The following FRRS1 variants were observed in gnomAD, a reference collection of about 807,000 sequenced individuals.
FRRS1 encodes the protein ferric chelate reductase 1.
FRRS1 carries 51 observed loss-of-function variants against 70.7 expected under a neutral mutation model. That is an observed-to-expected ratio of 0.72 (90% CI 0.58 to 0.91). The LOEUF (loss-of-function observed/expected upper bound fraction) is 0.91, where lower values mean the gene tolerates loss of function less well. Ranked by LOEUF, FRRS1 falls within the 40% of genes least tolerant of loss-of-function variation. FRRS1 has a pLI of 0.00. For missense variants in FRRS1, 672 were observed against 726.0 expected (o/e 0.93, Z 0.86); for synonymous variants, 225 against 238.7 (o/e 0.94, Z 0.53).
At chr1:99,723,291 A>C (rs950745860) in intron 9 of FRRS1, among the ~76,000 whole-genome samples, 3 of 152,162 alleles carry the variant, frequency 2.0e-5, no homozygotes, top group Admixed American at 1.3e-4. Flanking sequence ...GAATTTGACA[A>C]ATCAGCTTGA....
rs1212574300 is a variant in FRRS1 at position 99,729,752 on chromosome 1, A to G, written c.760-4T>C. The G allele has an allele frequency of 1.3e-6, 2 of 1,583,274 alleles. No homozygotes were observed. Among genetic ancestry groups the G allele is most frequent in the African/African-American group, 2.7e-5 (2 of 74,322 alleles). On this transcript the variant is annotated splice_polypyrimidine_tract_variant and splice_region_variant and intron_variant, in intron 7 of 16. Coordinates refer to ENST00000646001, the MANE Select transcript of FRRS1 (RefSeq NM_001361041.2). ...ACAGATAAGCATCATCATCACCCTGAAAAACAATTGCAAATGAGAAAAAAA... is the reference window on the plus strand; with the variant it reads ...ACAGATAAGCATCATCATCACCCTGGAAAACAATTGCAAATGAGAAAAAAA...
chr1:99,729,883 T>C, intron 7 of FRRS1, 135 bp from the exon 8 acceptor site: 1 of 617,996 alleles, frequency 1.6e-6, no homozygotes, highest in Non-Finnish European at 2.9e-6. Context: ...TCATGAATGA[T>C]GCTATGAATT....
At position 99,739,993 on chromosome 1, in the gene FRRS1, G is replaced by A. The variant is rs78378677; in HGVS notation, c.576+800C>T. On this transcript the variant is annotated intron_variant, in intron 6 of 16. Coordinates refer to ENST00000646001, the MANE Select transcript of FRRS1 (RefSeq NM_001361041.2). The stretch of plus-strand genomic sequence containing the variant: ...ATATGCATAACACTTTCCAAGATAC[G>A]TCTTGTCAATCATAAATCTTTTAAA... Among the ~76,000 whole-genome samples, 1,357 of 152,028 alleles carry A rather than the reference G, an allele frequency of 8.9e-3. 137 individuals are homozygous for A. In the East Asian group the frequency reaches 0.22, roughly 25 times the overall value.
intron 14 of FRRS1, among the ~76,000 whole-genome samples, chr1:99,711,815 T>C (rs1654285345): frequency 6.6e-6 from 1 of 152,200 alleles, no homozygotes; most frequent in South Asian, 2.1e-4. Flanking sequence ...GCTACTCAAA[T>C]GTTTGGCCAT....
intron 1 of FRRS1, among the ~76,000 whole-genome samples, chr1:99,754,398 G>A (rs1310995521): frequency 1.3e-5 from 2 of 152,080 alleles, no homozygotes; most frequent in Non-Finnish European, 2.9e-5. Flanking sequence ...AGGATGACTT[G>A]AACACAGGAG....
chr1:99,744,075 A>AAAAAG (rs1553173617), intron 4 of FRRS1, among the ~76,000 whole-genome samples: 3,533 of 150,264 alleles, frequency 0.024, 156 homozygotes, highest in African/African-American at 0.082. Flanking sequence ...AAAAAAAAAA[A>AAAAAG]AAAGAAAGAA....
At chr1:99,760,041 C>T (rs2788516) in intron 1 of FRRS1, among the ~76,000 whole-genome samples, 3,914 of 152,216 alleles carry the variant, frequency 0.026, 178 homozygotes, top group African/African-American at 0.089. Context: ...AATCTAAGTT[C>T]GCCTACCTAA....
At chr1:99,747,455 T>C (rs781275072) in intron 3 of FRRS1, 25 bp from the exon 4 acceptor site, 6 of 1,601,614 alleles carry the variant, frequency 3.7e-6, no homozygotes, top group Non-Finnish European at 5.1e-6. Flanking sequence ...AAAGGGTTGG[T>C]TAAAAAGCTT....
Position 99,748,880 on chromosome 1 carries a change from C to A in FRRS1, c.-1+17G>T, listed in dbSNP as rs1271379737. On this transcript the variant is annotated intron_variant, in intron 2 of 16. Transcript: ENST00000646001. ...CTACTTGCTTTCTGTGTTCAGCAAACCATATTCTCAACATACCTGATAAAA... is the reference window on the plus strand; with the variant it reads ...CTACTTGCTTTCTGTGTTCAGCAAAACATATTCTCAACATACCTGATAAAA... The A allele has an allele frequency of 2.7e-6, 2 of 727,544 alleles. No individual in the cohort carries two copies. The highest frequency in any genetic ancestry group is 3.6e-5 in the African/African-American group (2 of 55,728). The allele number at this position is 727,544 out of a possible 1,614,324, so 45.1% of individuals were successfully genotyped here. A position where few individuals can be genotyped will look rare whatever the true frequency, so the allele number is the denominator to read the frequency against.
At chr1:99,744,042 G>T (rs1413045808) in intron 4 of FRRS1, among the ~76,000 whole-genome samples, 3 of 139,974 alleles carry the variant, frequency 2.1e-5, no homozygotes. Context: ...CAAGATAAAT[G>T]AATCCAGTAT....
intron 7 of FRRS1, among the ~76,000 whole-genome samples, chr1:99,735,688 G>T (rs6577126): frequency 0.49 from 75,091 of 151,988 alleles, 22,542 homozygotes; most frequent in African/African-American, 0.85. Flanking sequence ...ACATTTTTGA[G>T]GAGTACTATA....
rs1654061652 is a variant in FRRS1, at chr1:99,707,327, A to G, written c.*1701T>C. Among the ~76,000 whole-genome samples the G allele has an allele frequency of 3.3e-5, 5 of 152,088 alleles. No homozygotes were observed. The South Asian group carries it at 1.0e-3, about 31-fold the overall frequency. On this transcript the variant is annotated 3_prime_UTR_variant, in exon 17 of 17. Transcript: ENST00000646001. ...TAGCTGAGGCTATTATTCACACCAT[A>G]TAGAAATTAGGTTCTCGGGCCAAGC...
intron 7 of FRRS1, among the ~76,000 whole-genome samples, chr1:99,734,557 C>CA (rs1655556006): frequency 6.6e-6 from 1 of 151,856 alleles, no homozygotes; most frequent in Non-Finnish European, 1.5e-5. Context: ...CTTTTCAAAA[C>CA]AAAAAATTGG....
intron 1 of FRRS1, among the ~76,000 whole-genome samples, chr1:99,757,544 C>T (rs2100999140): frequency 6.6e-6 from 1 of 152,280 alleles, no homozygotes; most frequent in East Asian, 1.9e-4. Context: ...AGCATTCTCA[C>T]AGTAATCTTC....
chr1:99,759,749 T>C (rs1377602358), intron 1 of FRRS1, among the ~76,000 whole-genome samples: 1 of 152,142 alleles, frequency 6.6e-6, no homozygotes, highest in Non-Finnish European at 1.5e-5. Flanking sequence ...AAATGAACAC[T>C]CAGTGATGAC....
chr1:99,719,644 C>T lies in FRRS1; in HGVS notation c.1010G>A (p.Arg337Gln), dbSNP rs149529384. Residue 337 changes from arginine to glutamine, a missense_variant, in exon 10 of 17, where the codon CGA becomes CAA. Arg to Gln is a conservative substitution (Grantham distance 43). Transcript: ENST00000646001. ...AGGTTGCTGAGAGTGCTTGTAAATTCGACCTGCAAATTAAAAACAAAATTA... is the reference window on the plus strand; with the variant it reads ...AGGTTGCTGAGAGTGCTTGTAAATTTGACCTGCAAATTAAAAACAAAATTA... ...FLADGAANDG[R>Q]IYKHSQQPLI... 9 of 1,528,694 alleles carry T rather than the reference C, an allele frequency of 5.9e-6. No homozygotes were observed. The highest frequency in any genetic ancestry group is 3.5e-5 in the Admixed American group (2 of 57,314). 94.7% of individuals were successfully genotyped at this position (1,528,694 alleles called of 1,614,324 possible).
chr1:99,731,500 T>A (rs1655383267), intron 7 of FRRS1, among the ~76,000 whole-genome samples: 1 of 152,206 alleles, frequency 6.6e-6, no homozygotes, highest in African/African-American at 2.4e-5. Flanking sequence ...TTTGGAGCAA[T>A]CATGACTTAA....
At chr1:99,744,269 T>G (rs1656125189) in intron 4 of FRRS1, among the ~76,000 whole-genome samples, 2 of 152,182 alleles carry the variant, frequency 1.3e-5, no homozygotes, top group South Asian at 4.1e-4. Flanking sequence ...AGTCATTATA[T>G]GACAACGTAA....
intron 1 of FRRS1, among the ~76,000 whole-genome samples, chr1:99,752,966 A>G (rs1027320776): frequency 1.3e-5 from 2 of 151,820 alleles, no homozygotes; most frequent in African/African-American, 4.8e-5. Context: ...TTATCCCAAC[A>G]CTTTGAGAGG....
Sources: gnomAD v4.1 joint callset for allele counts (sites outside exome capture counted in the v4.1 genomes callset) on GRCh38, gnomAD v4.1.1 for gene constraint, MANE v1.5 for transcripts, NCBI Gene and HGNC (gene_info 2026-07-23, HGNC 2026-07-21) for gene names.